IL1RAPL2: variants seen among roughly 807,000 people sequenced by gnomAD.
IL1RAPL2 encodes interleukin 1 receptor accessory protein like 2.
In IL1RAPL2, 3 loss-of-function variants were observed where a neutral mutation model predicts 44.1. That is an observed-to-expected ratio of 0.07 (90% CI 0.03 to 0.18). IL1RAPL2 has a LOEUF of 0.18. Ranked by LOEUF, IL1RAPL2 falls within the 10% of genes least tolerant of loss-of-function variation. The pLI, the probability that IL1RAPL2 is intolerant of heterozygous loss-of-function variation, is 1.00. For missense variants in IL1RAPL2, 391 were observed against 496.4 expected, an observed-to-expected ratio of 0.79 and a Z score of 2.02; for synonymous variants, 181 against 178.8, an observed-to-expected ratio of 1.01 and a Z score of -0.10.
At chrX:105,559,587 C>G (rs940649677) in intron 6 of IL1RAPL2, among the ~76,000 whole-genome samples, 2 of 111,920 alleles carry the variant, frequency 1.8e-5, no homozygotes, top group African/African-American at 6.5e-5. Context: ...CCCACATGTG[C>G]TCACAAACAG....
At position 104,911,479 on chromosome X, in the gene IL1RAPL2, T is replaced by A. The variant is rs749936902; in HGVS notation, c.82+252484T>A. On this transcript the variant is annotated intron_variant, in intron 2 of 10. Coordinates refer to ENST00000372582, the MANE Select transcript of IL1RAPL2 (RefSeq NM_017416.2). ...CTGCTTATACTCAATATCTAGTGAG[T>A]GAGGTCCTGTTGACTCTGCCTCTTA... Among the ~76,000 whole-genome samples, 6 of 111,139 alleles carry A rather than the reference T, an allele frequency of 5.4e-5. No homozygotes were observed. The South Asian group carries it at 2.3e-3, about 43-fold the overall frequency.
At chrX:104,975,896 C>T (rs957843569) in intron 2 of IL1RAPL2, among the ~76,000 whole-genome samples, 4 of 110,631 alleles carry the variant, frequency 3.6e-5, no homozygotes, top group Non-Finnish European at 5.7e-5. Flanking sequence ...ATTGGGGGAC[C>T]GAGGAGACTC....
At chrX:105,291,489 T>C (rs939741702) in intron 5 of IL1RAPL2, among the ~76,000 whole-genome samples, 1 of 111,899 alleles carries the variant, frequency 8.9e-6, no homozygotes, top group Non-Finnish European at 1.9e-5. Flanking sequence ...CAGAGTTAAG[T>C]TTTTTTGTTT....
chrX:104,703,517 T>A (rs1394697527), intron 2 of IL1RAPL2, among the ~76,000 whole-genome samples: 1 of 112,033 alleles, frequency 8.9e-6, no homozygotes, highest in East Asian at 2.8e-4. Flanking sequence ...AAGGACAGGG[T>A]CATGTCTTAT....
At chrX:105,597,606 C>T (rs1602483181) in intron 6 of IL1RAPL2, among the ~76,000 whole-genome samples, 1 of 111,119 alleles carries the variant, frequency 9.0e-6, no homozygotes, top group Middle Eastern at 4.7e-3. Context: ...TGAGAACTTA[C>T]TTTTTTAAAT....
intron 2 of IL1RAPL2, among the ~76,000 whole-genome samples, chrX:104,908,922 A>G (rs1602806896): frequency 9.0e-6 from 1 of 110,967 alleles, no homozygotes; most frequent in East Asian, 2.8e-4. Context: ...TCTCCTGGAT[A>G]ATATCCTGCA....
Position 104,712,408 on chromosome X carries a change from C to T in IL1RAPL2, c.82+53413C>T, listed in dbSNP as rs1014153552. 7.2e-5 allele frequency among the ~76,000 whole-genome samples: 8 copies of T among 110,638 alleles called. No homozygotes were observed. In the East Asian group the frequency reaches 1.7e-3, roughly 24 times the overall value. ...TGAAAAGATAAGACTAGGGTTTAAACGACAGCTTGTGGTCCTCTGCAGATG... is the reference window on the plus strand; with the variant it reads ...TGAAAAGATAAGACTAGGGTTTAAATGACAGCTTGTGGTCCTCTGCAGATG... On this transcript the variant is annotated intron_variant, in intron 2 of 10. Coordinates refer to ENST00000372582, the MANE Select transcript of IL1RAPL2 (RefSeq NM_017416.2).
At chrX:105,717,148 C>T (rs2038263577) in intron 6 of IL1RAPL2, among the ~76,000 whole-genome samples, 1 of 111,700 alleles carries the variant, frequency 9.0e-6, no homozygotes, top group Admixed American at 9.5e-5. Context: ...AACTGAGTAA[C>T]TTTGTATTCC....
chrX:104,974,863 G>T (rs2030302557), intron 2 of IL1RAPL2, among the ~76,000 whole-genome samples: 1 of 111,955 alleles, frequency 8.9e-6, no homozygotes, highest in Admixed American at 9.5e-5. Context: ...ACTGGGGACA[G>T]TTAGGACATC....
chrX:104,669,741 G>T (rs1442838901), intron 2 of IL1RAPL2, among the ~76,000 whole-genome samples: 2 of 111,911 alleles, frequency 1.8e-5, no homozygotes, highest in South Asian at 7.5e-4. Flanking sequence ...TAGCAATCCA[G>T]TCTTTATGTC....
chrX:104,679,809 G>C (rs778528370), intron 2 of IL1RAPL2, among the ~76,000 whole-genome samples: 1 of 111,421 alleles, frequency 9.0e-6, no homozygotes, highest in South Asian at 3.8e-4. Context: ...ATGATCTTTT[G>C]CATCACTTTG....
chrX:104,591,279 A>G (rs896336572), intron 1 of IL1RAPL2, among the ~76,000 whole-genome samples: 14 of 111,166 alleles, frequency 1.3e-4, no homozygotes, highest in African/African-American at 4.6e-4. Flanking sequence ...TGGAACAGCT[A>G]TATGTGCCCA....
chrX:104,890,736 C>T (rs938103963), intron 2 of IL1RAPL2, among the ~76,000 whole-genome samples: 1 of 111,457 alleles, frequency 9.0e-6, no homozygotes, highest in African/African-American at 3.3e-5. Flanking sequence ...AATTTTATTC[C>T]ATTCTATAGG....
chrX:104,748,260 C>A (rs1259312240), intron 2 of IL1RAPL2, among the ~76,000 whole-genome samples: 1 of 111,691 alleles, frequency 9.0e-6, no homozygotes, highest in Admixed American at 9.5e-5. Flanking sequence ...TGAAGAAAAT[C>A]TGTGTGAAAT....
chrX:105,601,781 A>G (rs1285469176), intron 6 of IL1RAPL2, among the ~76,000 whole-genome samples: 1 of 110,937 alleles, frequency 9.0e-6, no homozygotes, highest in African/African-American at 3.3e-5. Context: ...TTAATAGCCC[A>G]TGCATCACCA....
At chrX:105,074,857 T>C (rs1468835413) in intron 2 of IL1RAPL2, among the ~76,000 whole-genome samples, 1 of 110,360 alleles carries the variant, frequency 9.1e-6, no homozygotes, top group Admixed American at 9.7e-5. Flanking sequence ...GTTATTGGTG[T>C]ATAAGAATGC....
chrX:104,629,014 T>G (rs1395173260), intron 1 of IL1RAPL2, among the ~76,000 whole-genome samples: 1 of 111,671 alleles, frequency 9.0e-6, no homozygotes, highest in Non-Finnish European at 1.9e-5. Context: ...AATGGGTAGA[T>G]CTACAAGATA....
intron 2 of IL1RAPL2, among the ~76,000 whole-genome samples, chrX:104,785,028 T>G (rs1461009021): frequency 1.8e-5 from 2 of 111,115 alleles, no homozygotes; most frequent in African/African-American, 6.6e-5. Context: ...TTCTTTTGTT[T>G]TTTTGAAACA....
At chrX:105,574,079 A>C (rs930072260) in intron 6 of IL1RAPL2, among the ~76,000 whole-genome samples, 5 of 111,628 alleles carry the variant, frequency 4.5e-5, no homozygotes, top group Non-Finnish European at 9.4e-5. Context: ...AGAGAAAATA[A>C]AATTTTAAGA....
Sources: allele counts gnomAD v4.1 joint callset (sites outside exome capture counted in the v4.1 genomes callset), GRCh38; gene constraint gnomAD v4.1.1; transcripts MANE v1.5; gene names NCBI Gene and HGNC (gene_info 2026-07-23, HGNC 2026-07-21).